The following FRRS1 variants were observed in gnomAD, a reference collection of about 807,000 sequenced individuals.
FRRS1 encodes ferric reductase 1.
A neutral mutation model predicts 70.7 loss-of-function variants in FRRS1; 51 were observed. That is an observed-to-expected ratio of 0.72 (90% CI 0.58 to 0.91). FRRS1 has a LOEUF of 0.91. Among genes scored for constraint, FRRS1 ranks in the 40% least tolerant of loss-of-function variants. FRRS1 has a pLI of 0.00. For synonymous variants in FRRS1, 225 were observed against 238.7 expected (o/e 0.94, Z 0.53); for missense variants, 672 against 726.0 (o/e 0.93, Z 0.86).
chr1:99,735,770 A>G (rs1655624726), intron 7 of FRRS1, among the ~76,000 whole-genome samples: 1 of 152,232 alleles, frequency 6.6e-6, no homozygotes, highest in South Asian at 2.1e-4. Context: ...TGTGCCATCA[A>G]TGCCTACAAT....
Position 99,709,030 on chromosome 1 carries a change from A to C in FRRS1, c.1777T>G (p.Ter593GlyextTer21). ...CAAAAGCCAAGGTCTTTGCTTGCTC[A>C]TAGATGGTTGATTGCAGATAAAAAT... The part of the protein sequence containing the change: ...IIFLSAINHL[*>G] The change falls in exon 17 of 17, where the codon TGA (stop) becomes GGA (glycine). Residue 593 changes from the stop codon to glycine, a stop_lost. Coordinates refer to ENST00000646001, the MANE Select transcript of FRRS1 (RefSeq NM_001361041.2). 6.2e-7 allele frequency: 1 copy of C among 1,614,020 alleles called. No individual in the cohort carries two copies. Among genetic ancestry groups the C allele is most frequent in the Non-Finnish European group, 8.5e-7 (1 of 1,179,960 alleles).
intron 11 of FRRS1, 70 bp downstream of exon 11, chr1:99,717,340 C>T: frequency 1.0e-6 from 1 of 1,002,594 alleles, no homozygotes; most frequent in Non-Finnish European, 1.6e-6. Flanking sequence ...TACACACATA[C>T]TTCATATGTT....
rs1438037947 is a variant in FRRS1, at chr1:99,704,426, G to A, written c.*4602C>T. On this transcript the variant is annotated 3_prime_UTR_variant, in exon 17 of 17. Transcript: ENST00000646001. ...TTTTGTAAGTGATAACGGGAGGGAA[G>A]TGCTGGGAAGGGCGTGGTCCCTTTA... is the stretch of plus-strand genomic sequence containing the variant. Among the ~76,000 whole-genome samples, 1 of 152,182 alleles carries A rather than the reference G, an allele frequency of 6.6e-6. No individual in the cohort carries two copies. Among genetic ancestry groups the A allele is most frequent in the African/African-American group, 2.4e-5 (1 of 41,446 alleles).
Position 99,728,634 on chromosome 1 carries a change from G to A in FRRS1, c.865C>T (p.Leu289Phe). ...GCCAACCTCCAAGCCATATCCTCAA[G>A]GGTATCCTACAAACACACACAATGG... ...SHPVMDSRDT[L>F]EDMAWRLADG... is the part of the protein sequence containing the mutation. Residue 289 changes from leucine to phenylalanine, a missense_variant, in exon 9 of 17, where the codon CTT (leucine) becomes TTT (phenylalanine). Transcript: ENST00000646001. 1 of 1,613,168 alleles carries A rather than the reference G, an allele frequency of 6.2e-7. No homozygotes were observed. The highest frequency in any genetic ancestry group is 8.5e-7 in the Non-Finnish European group (1 of 1,179,486).
chr1:99,731,114 GA>G (rs1441637631), intron 7 of FRRS1, among the ~76,000 whole-genome samples: 1 of 152,042 alleles, frequency 6.6e-6, no homozygotes, highest in African/African-American at 2.4e-5. Context: ...GAAAAAGAAT[GA>G]AAAAGAATAC....
chr1:99,733,620 TAC>T (rs1655505021), intron 7 of FRRS1, among the ~76,000 whole-genome samples: 1 of 152,136 alleles, frequency 6.6e-6, no homozygotes. Flanking sequence ...GGTAATAAAC[TAC>T]AACACAATGG....
intron 1 of FRRS1, among the ~76,000 whole-genome samples, chr1:99,750,199 T>C (rs1656504007): frequency 6.6e-6 from 1 of 152,202 alleles, no homozygotes; most frequent in Admixed American, 6.5e-5. Context: ...AAGTTCACAC[T>C]CCAGGGGCAT....
At position 99,748,602 on chromosome 1, in the gene FRRS1, A is replaced by G. The variant is rs753062486; in HGVS notation, c.167T>C (p.Met56Thr). Residue 56 changes from methionine (M) to threonine (T), a missense_variant, in exon 3 of 17, where the codon ATG (methionine) becomes ACG (threonine). Physicochemically the swap from Met to Thr is moderately conservative, Grantham distance 81. Coordinates refer to ENST00000646001, the MANE Select transcript of FRRS1 (RefSeq NM_001361041.2). ...VPVHDIYVSQMTFRPGDQIEV... is the reference protein window; with the variant it reads ...VPVHDIYVSQTTFRPGDQIEV... ...AATCTGATCTCCTGGCCTGAATGTC[A>G]TCTGACTCACGTAAATGTCATGAAC... 2 of 1,614,100 alleles carry G rather than the reference A, an allele frequency of 1.2e-6. No homozygotes were observed. Among genetic ancestry groups the G allele is most frequent in the South Asian group, 2.2e-5 (2 of 91,072 alleles).
chr1:99,758,236 G>A (rs1166763407), intron 1 of FRRS1, among the ~76,000 whole-genome samples: 3 of 152,222 alleles, frequency 2.0e-5, no homozygotes, highest in Non-Finnish European at 4.4e-5. Flanking sequence ...GAAACAAAAG[G>A]AAATGCAGTT....
Position 99,729,654 on chromosome 1 carries a change from G to A in FRRS1, c.854C>T (p.Ser285Phe), listed in dbSNP as rs1655249527. The A allele has an allele frequency of 1.3e-6, 2 of 1,596,970 alleles. No individual in the cohort carries two copies. The highest frequency in any genetic ancestry group is 2.2e-5 in the South Asian group (2 of 90,426). Residue 285 changes from serine to phenylalanine, a missense_variant, in exon 8 of 17, where the codon TCC (serine) becomes TTC (phenylalanine). Coordinates refer to ENST00000646001, the MANE Select transcript of FRRS1 (RefSeq NM_001361041.2). ...TCTCAGAATTTTCACACCTACCCTG[G>A]AGTCCATTACAGGGTGACTTCGCCC... The part of the protein sequence containing the change: ...LTGRSHPVMD[S>F]RDTLEDMAWR...
intron 11 of FRRS1, among the ~76,000 whole-genome samples, chr1:99,716,824 C>T (rs563275385): frequency 7.9e-5 from 12 of 152,174 alleles, no homozygotes; most frequent in Admixed American, 5.9e-4. Context: ...TTGAAGGATA[C>T]TCATTGGCTC....
intron 7 of FRRS1, among the ~76,000 whole-genome samples, chr1:99,737,765 T>C (rs1353860192): frequency 3.3e-5 from 5 of 152,188 alleles, no homozygotes; most frequent in Non-Finnish European, 7.3e-5. Flanking sequence ...TTTTTTTAGA[T>C]GGAGTCTCAC....
chr1:99,737,237 C>T lies in FRRS1; in HGVS notation c.759+849G>A, dbSNP rs375541819. On this transcript the variant is annotated intron_variant, in intron 7 of 16. Coordinates refer to ENST00000646001, the MANE Select transcript of FRRS1 (RefSeq NM_001361041.2). ...CTGCCACCTACAGAATCATTTAATC[C>T]ATTTCAGCACTACCCAGGATGAGTG... 2.9e-4 allele frequency among the ~76,000 whole-genome samples: 44 copies of T among 150,954 alleles called. 1 individual carries two copies. In the East Asian group the frequency reaches 3.5e-3, roughly 12 times the overall value.
At chr1:99,736,781 A>AAAATC (rs1655690760) in intron 7 of FRRS1, among the ~76,000 whole-genome samples, 2 of 137,312 alleles carry the variant, frequency 1.5e-5, no homozygotes, top group African/African-American at 6.1e-5. Flanking sequence ...ATAATAAAAT[A>AAAATC]AAAATAAATA....
At chr1:99,742,021 T>G (rs1655989233) in intron 5 of FRRS1, among the ~76,000 whole-genome samples, 158 bp downstream of exon 5, 1 of 152,074 alleles carries the variant, frequency 6.6e-6, no homozygotes, top group South Asian at 2.1e-4. Context: ...AGTTGTAAAC[T>G]TTTTTTTCCT....
intron 1 of FRRS1, among the ~76,000 whole-genome samples, chr1:99,756,430 A>T (rs1427425910): frequency 7.9e-6 from 1 of 126,012 alleles, no homozygotes; most frequent in African/African-American, 4.2e-5. Flanking sequence ...TATATCTCAC[A>T]TAAAGATAAA....
intron 5 of FRRS1, 123 bp from the exon 6 acceptor site, chr1:99,741,063 C>T (rs1016697158): frequency 2.3e-5 from 21 of 907,226 alleles, no homozygotes; most frequent in Non-Finnish European, 3.4e-5. Context: ...CCTAACAGGA[C>T]TATTAATTTT....
At chr1:99,765,915 G>GAATA (rs1239395150) in intron 1 of FRRS1, 54 of 151,240 alleles carry the variant, frequency 3.6e-4, no homozygotes, top group African/African-American at 1.1e-3. Context: ...AAAAATAAAT[G>GAATA]AATAAATAAA....
Position 99,705,375 on chromosome 1 carries a change from C to A in FRRS1, c.*3653G>T, listed in dbSNP as rs993831408. Among the ~76,000 whole-genome samples the A allele has an allele frequency of 6.6e-6, 1 of 152,222 alleles. No homozygotes were observed. Among genetic ancestry groups the A allele is most frequent in the Non-Finnish European group, 1.5e-5 (1 of 68,038 alleles). On this transcript the variant is annotated 3_prime_UTR_variant, in exon 17 of 17. Coordinates refer to ENST00000646001, the MANE Select transcript of FRRS1 (RefSeq NM_001361041.2). Reference sequence around the variant, plus strand: ...GAAAGAAGCAGGATGTGGATAGGAACTGTGAATATCCTAATCTGATTTAAA... The same window carrying A: ...GAAAGAAGCAGGATGTGGATAGGAAATGTGAATATCCTAATCTGATTTAAA...
Sources: allele counts gnomAD v4.1 joint callset (sites outside exome capture counted in the v4.1 genomes callset), GRCh38; gene constraint gnomAD v4.1.1; transcripts MANE v1.5; gene names NCBI Gene and HGNC (gene_info 2026-07-23, HGNC 2026-07-21).